RALGAPA1: variants seen among roughly 807,000 people sequenced by gnomAD.
RALGAPA1 encodes the protein Ral GTPase activating protein catalytic subunit alpha 1, also known as ral GTPase-activating protein subunit alpha-1.
A neutral mutation model predicts 269.6 loss-of-function variants in RALGAPA1; 52 were observed. The ratio of observed to expected loss-of-function variants is 0.19; its 90% CI spans 0.15 to 0.24. The LOEUF is 0.24. RALGAPA1 is among the 10% of genes least tolerant of loss of function. RALGAPA1 has a pLI of 1.00. For missense variants in RALGAPA1, 1,917 were observed against 3,013.9 expected (o/e 0.64, Z 8.52); for synonymous variants, 817 against 1,008.3 (o/e 0.81, Z 3.60).
intron 11 of RALGAPA1, among the ~76,000 whole-genome samples, chr14:35,741,465 C>T (rs1425192315): frequency 6.6e-6 from 1 of 151,878 alleles, no homozygotes; most frequent in South Asian, 2.1e-4. Context: ...TACATATACA[C>T]GTATACACAC....
Position 35,673,135 on chromosome 14 carries a change from C to T in RALGAPA1, c.4918-113G>A, listed in dbSNP as rs112123227. On this transcript the variant is annotated intron_variant, in intron 24 of 41. Coordinates refer to ENST00000680220, the MANE Select transcript of RALGAPA1 (RefSeq NM_001346249.2). ...TAATCTCATTTATTTCCATGTTGGC[C>T]CAATTTCTTTAATGAACTAAAATTC... The T allele has an allele frequency of 4.7e-5, 54 of 1,136,998 alleles. No homozygotes were observed. The African/African-American group carries it at 7.8e-4, about 16-fold the overall frequency. 70.4% of individuals were successfully genotyped at this position (1,136,998 alleles called of 1,614,324 possible).
intron 38 of RALGAPA1, among the ~76,000 whole-genome samples, chr14:35,571,703 AACCACCACC>A (rs528167038): frequency 6.6e-6 from 1 of 151,382 alleles, no homozygotes; most frequent in Non-Finnish European, 1.5e-5. Flanking sequence ...ACCAAAACAA[AACCACCACC>A]ACCACCACCA....
intron 17 of RALGAPA1, among the ~76,000 whole-genome samples, chr14:35,692,022 T>A (rs970824631): frequency 6.6e-6 from 1 of 152,146 alleles, no homozygotes; most frequent in Non-Finnish European, 1.5e-5. Context: ...ATACAGCAGA[T>A]AACTAACTCA....
Position 35,688,355 on chromosome 14 carries a change from G to A in RALGAPA1, c.3952+104C>T, listed in dbSNP as rs940575285. 20 of 1,291,810 alleles carry A rather than the reference G, an allele frequency of 1.5e-5. No homozygotes were observed. The African/African-American group carries it at 2.9e-4, about 19-fold the overall frequency. The allele number at this position is 1,291,810 out of a possible 1,614,324, so 80.0% of individuals were successfully genotyped here. On this transcript the variant is annotated intron_variant, in intron 18 of 41. Coordinates refer to ENST00000680220, the MANE Select transcript of RALGAPA1 (RefSeq NM_001346249.2). ...CATAACCAAACAGAGAGAAAGCAGT[G>A]ACCATCCCAAAGCTTTTTGATTGCT...
chr14:35,762,666 C>A, intron 5 of RALGAPA1, 44 bp downstream of exon 5: 1 of 1,100,258 alleles, frequency 9.1e-7, no homozygotes, highest in South Asian at 1.2e-5. Context: ...GATGTATGTT[C>A]TACTCAGTAT....
intron 37 of RALGAPA1, among the ~76,000 whole-genome samples, chr14:35,577,710 C>T (rs1401489979): frequency 1.3e-5 from 2 of 152,188 alleles, no homozygotes; most frequent in African/African-American, 4.8e-5. Context: ...TATAATATCA[C>T]TTATCTGGGG....
intron 31 of RALGAPA1, among the ~76,000 whole-genome samples, chr14:35,645,389 G>GTGTGTGTGTA (rs945897888): frequency 7.1e-6 from 1 of 141,372 alleles, no homozygotes; most frequent in Admixed American, 7.2e-5. Context: ...GTGTGTGTGT[G>GTGTGTGTGTA]TATATGTTAT....
intron 41 of RALGAPA1, chr14:35,541,672 A>G: frequency 2.2e-6 from 1 of 455,374 alleles, no homozygotes; most frequent in Non-Finnish European, 4.4e-6. Flanking sequence ...GAGCAGTAGT[A>G]GCTCATGCTT....
chr14:35,799,133 CATG>C (rs1463841682), intron 1 of RALGAPA1, among the ~76,000 whole-genome samples: 1 of 151,800 alleles, frequency 6.6e-6, no homozygotes, highest in African/African-American at 2.4e-5. Context: ...TGGCTGATAA[CATG>C]ATAAGTAAAA....
intron 1 of RALGAPA1, among the ~76,000 whole-genome samples, chr14:35,804,610 T>C (rs1443983607): frequency 7.1e-6 from 1 of 141,064 alleles, no homozygotes; most frequent in South Asian, 2.4e-4. Context: ...AATAAATAAA[T>C]AAATAGTGAG....
chr14:35,573,503 T>G (rs1174791107), intron 37 of RALGAPA1, among the ~76,000 whole-genome samples: 4 of 152,128 alleles, frequency 2.6e-5, no homozygotes, highest in Non-Finnish European at 5.9e-5. Context: ...ACACGGCAGG[T>G]GGAAAGGTTT....
chr14:35,546,671 T>C (rs1300587177), intron 41 of RALGAPA1, among the ~76,000 whole-genome samples: 1 of 152,034 alleles, frequency 6.6e-6, no homozygotes, highest in Non-Finnish European at 1.5e-5. Flanking sequence ...TATGAATCCA[T>C]TTTTTCAATG....
At chr14:35,624,391 A>G (rs1427897849) in intron 35 of RALGAPA1, among the ~76,000 whole-genome samples, 1 of 152,092 alleles carries the variant, frequency 6.6e-6, no homozygotes, top group Non-Finnish European at 1.5e-5. Context: ...ATTTGGTAGT[A>G]AAAGGAATGA....
Position 35,772,427 on chromosome 14 carries a change from T to G in RALGAPA1, c.268-1428A>C, listed in dbSNP as rs2074704073. On this transcript the variant is annotated intron_variant, in intron 3 of 41. Transcript: ENST00000680220. ...TATATAGGTTTCCATTAATTGGTAA[T>G]AAAATCTTTACACAAATATGTTCAA... Among the ~76,000 whole-genome samples the G allele has an allele frequency of 2.6e-5, 4 of 152,176 alleles. No individual in the cohort carries two copies. In the South Asian group the frequency reaches 6.2e-4, roughly 24 times the overall value.
At chr14:35,614,508 T>G (rs1256002682) in intron 35 of RALGAPA1, among the ~76,000 whole-genome samples, 3 of 151,964 alleles carry the variant, frequency 2.0e-5, no homozygotes, top group African/African-American at 7.2e-5. Flanking sequence ...ATTTCCAGAA[T>G]AGGCAAATTT....
chr14:35,575,307 A>C (rs2057478977), intron 37 of RALGAPA1, among the ~76,000 whole-genome samples: 1 of 152,158 alleles, frequency 6.6e-6, no homozygotes. Context: ...TACTCTTCTA[A>C]ATTTCTTTCA....
At chr14:35,737,572 C>T (rs781300065) in intron 12 of RALGAPA1, among the ~76,000 whole-genome samples, 1 of 151,070 alleles carries the variant, frequency 6.6e-6, no homozygotes, top group Non-Finnish European at 1.5e-5. Flanking sequence ...GCTTGGCCAA[C>T]ATGACGAAAC....
At chr14:35,617,057 C>A (rs1453238141) in intron 35 of RALGAPA1, among the ~76,000 whole-genome samples, 1 of 152,144 alleles carries the variant, frequency 6.6e-6, no homozygotes, top group Non-Finnish European at 1.5e-5. Context: ...ATGACAGGGA[C>A]ATGCTACAGG....
At chr14:35,604,369 G>A (rs554974834) in intron 36 of RALGAPA1, among the ~76,000 whole-genome samples, 22 of 151,638 alleles carry the variant, frequency 1.5e-4, no homozygotes, top group Admixed American at 6.6e-4. Flanking sequence ...TATCAATAAC[G>A]ATATCTAGAA....
Sources: allele counts gnomAD v4.1 joint callset (sites outside exome capture counted in the v4.1 genomes callset), GRCh38; gene constraint gnomAD v4.1.1; transcripts MANE v1.5; gene names NCBI Gene and HGNC (gene_info 2026-07-23, HGNC 2026-07-21).